HJURP: variants seen among roughly 807,000 people sequenced by gnomAD.
HJURP encodes the protein 14-3-3-associated AKT substrate.
A neutral mutation model predicts 72.0 loss-of-function variants in HJURP; 49 were observed. The ratio of observed to expected loss-of-function variants is 0.68; its 90% CI spans 0.54 to 0.86. The LOEUF is 0.86. HJURP is among the 40% of genes least tolerant of loss of function. The pLI is 0.00. For synonymous variants in HJURP, 357 were observed against 347.1 expected (o/e 1.03, Z -0.32); for missense variants, 908 against 936.3 (o/e 0.97, Z 0.39).
At chr2:233,837,674 G>T (rs1705111718) in intron 8 of HJURP, 22 bp from the exon 9 acceptor site, 1 of 1,520,566 alleles carries the variant, frequency 6.6e-7, no homozygotes. Context: ...AAAAGACAAA[G>T]AAAATGATGT....
At chr2:233,838,094 C>T (rs368450366) in intron 8 of HJURP, among the ~76,000 whole-genome samples, 55 of 152,310 alleles carry the variant, frequency 3.6e-4, no homozygotes, top group African/African-American at 1.2e-3. Flanking sequence ...AGCACTCAGA[C>T]GTTAGGCATG....
At position 233,841,429 on chromosome 2, in the gene HJURP, T is replaced by C. The variant is rs762841220; in HGVS notation, c.1351A>G (p.Asn451Asp). 2.5e-6 allele frequency: 4 copies of C among 1,614,208 alleles called. No individual in the cohort carries two copies. In the South Asian group the frequency reaches 4.4e-5, roughly 18 times the overall value. The change falls in exon 8 of 9, where the codon AAC becomes GAC. Residue 451 changes from asparagine to aspartate, a missense_variant. Coordinates refer to ENST00000411486, the MANE Select transcript of HJURP (RefSeq NM_018410.5). ...GGGAGGCACATCCGGCGAGGCTGGT[T>C]CCTGGGACTCAGGCAATATTCCCGA... ...LHREYCLSPR[N>D]QPRRMCLPDS...
At chr2:233,840,298 C>T (rs3771338) in intron 8 of HJURP, among the ~76,000 whole-genome samples, 13,120 of 152,198 alleles carry the variant, frequency 0.086, 645 homozygotes, top group African/African-American at 0.13. Context: ...TTGACAAAGA[C>T]GAATAAAGCG....
chr2:233,844,430 G>A lies in HJURP; in HGVS notation c.496-147C>T, dbSNP rs111928470. On this transcript the variant is annotated intron_variant, in intron 6 of 8. Coordinates refer to ENST00000411486, the MANE Select transcript of HJURP (RefSeq NM_018410.5). The stretch of plus-strand genomic sequence containing the variant: ...TGAATGTGGTGACAGTGGCCAGCTA[G>A]GCTTCGGGCAGTGGGAAGAAAATAT... 1.1e-4 allele frequency: 70 copies of A among 661,376 alleles called. No individual in the cohort carries two copies. The African/African-American group carries it at 1.1e-3, about 11-fold the overall frequency. 41.0% of individuals were successfully genotyped at this position (661,376 alleles called of 1,614,324 possible). A position where few individuals can be genotyped will look rare whatever the true frequency, so the allele number is the denominator to read the frequency against.
rs1705454511 is a variant in HJURP, at chr2:233,849,758, C to A, written c.337+5G>T. 6 of 1,547,754 alleles carry A rather than the reference C, an allele frequency of 3.9e-6. No individual in the cohort carries two copies. The highest frequency in any genetic ancestry group is 4.4e-6 in the Non-Finnish European group (5 of 1,144,412). ...CTTCAGTTCTCTGACGAAGGCAACACTCACCGGCTCCCAGGACTGTGCGGT... is the reference window on the plus strand; with the variant it reads ...CTTCAGTTCTCTGACGAAGGCAACAATCACCGGCTCCCAGGACTGTGCGGT... On this transcript the variant is annotated splice_donor_5th_base_variant and intron_variant, in intron 4 of 8. Transcript: ENST00000411486.
Position 233,842,115 on chromosome 2 carries a change from G to A in HJURP, c.665C>T (p.Ser222Phe). The A allele has an allele frequency of 1.2e-6, 2 of 1,614,086 alleles. No individual in the cohort carries two copies. The highest frequency in any genetic ancestry group is 1.1e-5 in the South Asian group (1 of 91,080). The stretch of plus-strand genomic sequence containing the variant: ...TCTAGGTACTAAGGCCATGTCTGTG[G>A]AGGAAGGATGCAAAGGATCCCATTC... ...PREWDPLHPS[S>F]TDMALVPRND... is the part of the protein sequence containing the mutation. Residue 222 changes from serine to phenylalanine, a missense_variant, in exon 8 of 9, where the codon TCC becomes TTC. Transcript: ENST00000411486.
intron 6 of HJURP, among the ~76,000 whole-genome samples, chr2:233,845,225 C>T (rs1384401395): frequency 1.3e-5 from 2 of 151,954 alleles, no homozygotes; most frequent in Non-Finnish European, 2.9e-5. Context: ...AATCTCAGCT[C>T]ACTGCAACCT....
At position 233,837,642 on chromosome 2, in the gene HJURP, T is replaced by C; in HGVS notation, c.2182A>G (p.Thr728Ala). The C allele has an allele frequency of 6.2e-7, 1 of 1,604,584 alleles. No individual in the cohort carries two copies. Among genetic ancestry groups the C allele is most frequent in the Non-Finnish European group, 8.5e-7 (1 of 1,174,764 alleles). The change falls in exon 9 of 9, where the codon ACG becomes GCG. Residue 728 changes from threonine to alanine, a missense_variant. Thr to Ala is a moderately conservative substitution (Grantham distance 58). Coordinates refer to ENST00000411486, the MANE Select transcript of HJURP (RefSeq NM_018410.5). ...QPNSEERGEN[T>A]SYRMEEKSDF... ...CTTTTCTCTTCCATCCTGTAAGACG[T>C]GTTCTCTCCTCTAGGAAAAAAAAAA...
At position 233,840,956 on chromosome 2, in the gene HJURP, A is replaced by G; in HGVS notation, c.1824T>C (p.Ser608=). 3 of 1,614,152 alleles carry G rather than the reference A, an allele frequency of 1.9e-6. No individual in the cohort carries two copies. The highest frequency in any genetic ancestry group is 2.5e-6 in the Non-Finnish European group (3 of 1,180,018). The part of the protein sequence containing the change: ...QMTVPLCIGV[S]TDKASMEVRY... ...GAACTTCCATACTTGCTTTATCTGTAGACACTCCAATACATAAAGGCACTG... is the reference window on the plus strand; with the variant it reads ...GAACTTCCATACTTGCTTTATCTGTGGACACTCCAATACATAAAGGCACTG... Residue 608 remains serine, a synonymous_variant, in exon 8 of 9, where the codon TCT becomes TCC. Transcript: ENST00000411486.
intron 4 of HJURP, among the ~76,000 whole-genome samples, chr2:233,848,327 G>A (rs28900713): frequency 0.02 from 3,078 of 152,212 alleles, 129 homozygotes; most frequent in East Asian, 0.19. Context: ...GGGGCTTCCC[G>A]GGGGCAGCAA....
chr2:233,840,159 G>A (rs1354377741), intron 8 of HJURP, among the ~76,000 whole-genome samples: 1 of 151,428 alleles, frequency 6.6e-6, no homozygotes, highest in African/African-American at 2.4e-5. Flanking sequence ...CTGTGCTCGT[G>A]GCTCTCCCAG....
chr2:233,854,397 C>T lies in HJURP; in HGVS notation c.104G>A (p.Arg35Gln), dbSNP rs200872096. ...SRRRFQRRMQ[R>Q]LIEKYNQPFE... ...CGGGGGCCGCACCTTCTCTATCAGC[C>T]GCTGCATGCGCCTCTGGAAGCGGCG... Residue 35 changes from arginine to glutamine, a missense_variant, in exon 1 of 9, where the codon CGG becomes CAG. Transcript: ENST00000411486. 1.1e-4 allele frequency: 178 copies of T among 1,598,404 alleles called. No individual in the cohort carries two copies. The highest frequency in any genetic ancestry group is 1.7e-4 in the Middle Eastern group (1 of 6,012).
chr2:233,854,524 C>G lies in HJURP; in HGVS notation c.-24G>C. The G allele has an allele frequency of 6.5e-7, 1 of 1,549,166 alleles. No homozygotes were observed. Among genetic ancestry groups the G allele is most frequent in the Non-Finnish European group, 8.8e-7 (1 of 1,130,014 alleles). ...ATCGGACCCAGCCAGTACCCAAGCG[C>G]CAACCCGGACTGCAGGGCCTCGCGC... On this transcript the variant is annotated 5_prime_UTR_variant, in exon 1 of 9. Transcript: ENST00000411486.
rs772013114 is a variant in HJURP, at chr2:233,841,517, T to G, written c.1263A>C (p.Thr421=). The G allele has an allele frequency of 6.2e-7, 1 of 1,614,196 alleles. No individual in the cohort carries two copies. ...ISPVKIVSRP[T]IRQGHGENRQ... Reference sequence around the variant, plus strand: ...GGTTCTCTCCATGGCCCTGTCGTATTGTTGGTCTGGAAACTATTTTTACAG... The same window carrying G: ...GGTTCTCTCCATGGCCCTGTCGTATGGTTGGTCTGGAAACTATTTTTACAG... Residue 421 remains threonine, a synonymous_variant, in exon 8 of 9, where the codon ACA becomes ACC. Transcript: ENST00000411486.
At chr2:233,847,347 G>T (rs1705386596) in intron 5 of HJURP, 50 bp downstream of exon 5, 1 of 1,433,498 alleles carries the variant, frequency 7.0e-7, no homozygotes, top group South Asian at 1.1e-5. Context: ...ATGGACCCCT[G>T]AGCCCCCAAG....
At chr2:233,849,701 G>A in intron 4 of HJURP, 62 bp downstream of exon 4, 2 of 1,053,026 alleles carry the variant, frequency 1.9e-6, no homozygotes, top group South Asian at 2.8e-5. Flanking sequence ...TTAAGCTGTT[G>A]TAACAGGTGC....
Position 233,854,501 on chromosome 2 carries a change from C to A in HJURP, c.-1G>T. On this transcript the variant is annotated 5_prime_UTR_variant, in exon 1 of 9. Coordinates refer to ENST00000411486, the MANE Select transcript of HJURP (RefSeq NM_018410.5). ...CCATGGCGCGCAGCGTACCCAGCAT[C>A]GGACCCAGCCAGTACCCAAGCGCCA... is the stretch of plus-strand genomic sequence containing the variant. 4 of 1,607,824 alleles carry A rather than the reference C, an allele frequency of 2.5e-6. No individual in the cohort carries two copies. Among genetic ancestry groups the A allele is most frequent in the Non-Finnish European group, 3.4e-6 (4 of 1,176,508 alleles).
At chr2:233,838,935 C>T (rs1705150184) in intron 8 of HJURP, among the ~76,000 whole-genome samples, 1 of 152,130 alleles carries the variant, frequency 6.6e-6, no homozygotes. Context: ...GACCAAGACC[C>T]GAGGGAAAGA....
Position 233,845,105 on chromosome 2 carries a change from T to C in HJURP, c.495+623A>G, listed in dbSNP as rs183559379. On this transcript the variant is annotated intron_variant, in intron 6 of 8. Transcript: ENST00000411486. Reference sequence around the variant, plus strand: ...TCCCTAACTATGCAGCTTCAAATCCTGGTCCAGAGGTCAGGGCTGCTCTTA... The same window carrying C: ...TCCCTAACTATGCAGCTTCAAATCCCGGTCCAGAGGTCAGGGCTGCTCTTA... Among the ~76,000 whole-genome samples the C allele has an allele frequency of 7.2e-5, 11 of 152,122 alleles. No homozygotes were observed. The East Asian group carries it at 2.1e-3, about 29-fold the overall frequency.
Sources: allele counts gnomAD v4.1 joint callset (sites outside exome capture counted in the v4.1 genomes callset), GRCh38; gene constraint gnomAD v4.1.1; transcripts MANE v1.5; gene names NCBI Gene and HGNC (gene_info 2026-07-23, HGNC 2026-07-21).